RBSN: variants seen among roughly 807,000 people sequenced by gnomAD.
RBSN encodes the protein rabenosyn-5.
In RBSN, 34 loss-of-function variants were observed where a neutral mutation model predicts 60.5. That is an observed-to-expected ratio of 0.56 (90% CI 0.43 to 0.75). The LOEUF is 0.75. Among genes scored for constraint, RBSN ranks in the 30% least tolerant of loss-of-function variants. The probability of loss-of-function intolerance (pLI) is 0.00; values close to 1 mark genes in which losing one functional copy is unlikely to be tolerated. For missense variants in RBSN, 845 were observed against 986.8 expected (o/e 0.86, Z 1.92); for synonymous variants, 322 against 366.9 (o/e 0.88, Z 1.40).
intron 2 of RBSN, among the ~76,000 whole-genome samples, chr3:15,097,802 C>T (rs1450791611): frequency 2.0e-5 from 3 of 152,130 alleles, no homozygotes; most frequent in Non-Finnish European, 2.9e-5. Context: ...GAGGGACTGC[C>T]TGGTCCTCAA....
rs1041637161 is a variant in RBSN at position 15,070,148 on chromosome 3, C to T, written c.*3634G>A. 1.3e-4 allele frequency: 20 copies of T among 152,520 alleles called. No homozygotes were observed. Among genetic ancestry groups the T allele is most frequent in the African/African-American group, 4.3e-4 (18 of 41,408 alleles). The allele number at this position is 152,520 out of a possible 1,614,324, so 9.4% of individuals were successfully genotyped here. A position where few individuals can be genotyped will look rare whatever the true frequency, so the allele number is the denominator to read the frequency against. ...AGAGTAGTGCATGCAAATCAACGAC[C>T]CTCAAAGTGACAGTCATTGTCAGAT... On this transcript the variant is annotated 3_prime_UTR_variant, in exon 14 of 14. Coordinates refer to ENST00000253699, the MANE Select transcript of RBSN (RefSeq NM_022340.4).
At chr3:15,090,293 A>T (rs901254390) in intron 5 of RBSN, 106 bp downstream of exon 5, 13 of 1,246,122 alleles carry the variant, frequency 1.0e-5, no homozygotes, top group South Asian at 1.4e-5. Context: ...AGAAGCTTAG[A>T]CCATTATGGT....
At chr3:15,095,759 G>A (rs1356894297) in intron 4 of RBSN, 9 of 622,846 alleles carry the variant, frequency 1.4e-5, no homozygotes, top group East Asian at 5.7e-5. Flanking sequence ...TGTCTGGTTC[G>A]AAATGTGGCT....
chr3:15,095,884 C>T, intron 4 of RBSN, 89 bp downstream of exon 4: 1 of 1,562,622 alleles, frequency 6.4e-7, no homozygotes, highest in Non-Finnish European at 8.8e-7. Flanking sequence ...TTATCATATT[C>T]CTGTGGCAAC....
rs1172729769 is a variant in RBSN, at chr3:15,096,251, G to A, written c.-131C>T. On this transcript the variant is annotated 5_prime_UTR_variant, in exon 4 of 14. Transcript: ENST00000253699. ...CAGATGGTGAGGAAGTGGCTTCATGGCCCTGGATGAGGTTTCCTCTCTGGA... is the reference window on the plus strand; with the variant it reads ...CAGATGGTGAGGAAGTGGCTTCATGACCCTGGATGAGGTTTCCTCTCTGGA... 1.0e-6 allele frequency: 1 copy of A among 999,242 alleles called. No individual in the cohort carries two copies. The highest frequency in any genetic ancestry group is 1.4e-6 in the Non-Finnish European group (1 of 734,042). The allele number at this position is 999,242 out of a possible 1,614,324, so 61.9% of individuals were successfully genotyped here. A position where few individuals can be genotyped will look rare whatever the true frequency, so the allele number is the denominator to read the frequency against.
intron 4 of RBSN, among the ~76,000 whole-genome samples, chr3:15,090,798 T>C (rs1430560693): frequency 1.3e-5 from 2 of 152,194 alleles, no homozygotes; most frequent in African/African-American, 4.8e-5. Flanking sequence ...TTACTGCTCA[T>C]TGCCAAATTT....
intron 3 of RBSN, 117 bp downstream of exon 3, chr3:15,096,418 C>T (rs532649195): frequency 7.4e-5 from 20 of 268,690 alleles, no homozygotes; most frequent in Non-Finnish European, 1.1e-4. Flanking sequence ...AGAAAACAAA[C>T]TCTTTCTCAA....
At chr3:15,086,059 G>T in intron 5 of RBSN, 98 bp from the exon 6 acceptor site, 1 of 662,646 alleles carries the variant, frequency 1.5e-6, no homozygotes, top group Non-Finnish European at 2.5e-6. Flanking sequence ...TCAAAAGCAG[G>T]TTGGTCAACA....
At position 15,073,699 on chromosome 3, in the gene RBSN, C is replaced by G; in HGVS notation, c.*83G>C. ...TCTGAGTTCTCACCCTGCCACCTTCCCCATCCATCCTGCCTGCCCTCTGTC... is the reference window on the plus strand; with the variant it reads ...TCTGAGTTCTCACCCTGCCACCTTCGCCATCCATCCTGCCTGCCCTCTGTC... On this transcript the variant is annotated 3_prime_UTR_variant, in exon 14 of 14. Coordinates refer to ENST00000253699, the MANE Select transcript of RBSN (RefSeq NM_022340.4). The G allele has an allele frequency of 6.9e-7, 1 of 1,452,810 alleles. No homozygotes were observed. Among genetic ancestry groups the G allele is most frequent in the South Asian group, 1.4e-5 (1 of 73,810 alleles). The allele number at this position is 1,452,810 out of a possible 1,614,324, so 90.0% of individuals were successfully genotyped here. A position where few individuals can be genotyped will look rare whatever the true frequency, so the allele number is the denominator to read the frequency against.
intron 10 of RBSN, among the ~76,000 whole-genome samples, chr3:15,079,897 C>A (rs2043160339): frequency 6.6e-6 from 1 of 152,144 alleles, no homozygotes; most frequent in South Asian, 2.1e-4. Context: ...CCAAACTGTA[C>A]ACTTTAAAAG....
At position 15,074,022 on chromosome 3, in the gene RBSN, C is replaced by T. The variant is rs1310415504; in HGVS notation, c.2115G>A (p.Leu705=). ...EHPQQRLSSP[L]VPGNPFEEPT... is the part of the protein sequence containing the mutation. ...GTTCCTCAAAGGGGTTACCAGGAAC[C>T]AGAGGGCTTGAGAGCCTCTGCTGGG... is the stretch of plus-strand genomic sequence containing the variant. Residue 705 remains leucine (L), a synonymous_variant, in exon 14 of 14, where the codon CTG becomes CTA. Transcript: ENST00000253699. This position sits in a 1 kb window ranked among gnomAD's most constrained non-coding sequence, Gnocchi z 6.4. 1.4e-5 allele frequency: 23 copies of T among 1,613,914 alleles called. No individual in the cohort carries two copies. Among genetic ancestry groups the T allele is most frequent in the Non-Finnish European group, 1.9e-5 (22 of 1,180,016 alleles).
intron 10 of RBSN, 28 bp downstream of exon 10, chr3:15,080,704 A>C (rs773998852): frequency 1.2e-6 from 2 of 1,608,610 alleles, no homozygotes; most frequent in East Asian, 4.5e-5. Flanking sequence ...TCACCACTGG[A>C]TTAGAAAAAC....
At chr3:15,080,631 C>A in intron 10 of RBSN, 101 bp downstream of exon 10, 2 of 1,197,828 alleles carry the variant, frequency 1.7e-6, no homozygotes, top group Non-Finnish European at 2.4e-6. Context: ...AAAAAAAGCA[C>A]GGTTGAAGTT....
At chr3:15,096,356 C>T (rs568431606) in intron 3 of RBSN, 68 bp from the exon 4 acceptor site, 28 of 431,538 alleles carry the variant, frequency 6.5e-5, no homozygotes, top group African/African-American at 5.4e-4. Context: ...GGATTTTCTT[C>T]ATTCTTTTCA....
chr3:15,078,824 A>G (rs1279900126), intron 10 of RBSN, among the ~76,000 whole-genome samples: 8 of 100,420 alleles, frequency 8.0e-5, no homozygotes, highest in African/African-American at 2.8e-4. Context: ...ATATATATAT[A>G]CATGGTTTTG....
chr3:15,086,691 T>C (rs538134431), intron 5 of RBSN, among the ~76,000 whole-genome samples: 30 of 152,270 alleles, frequency 2.0e-4, no homozygotes, highest in Non-Finnish European at 4.1e-4. Flanking sequence ...ATTATCTTAT[T>C]GTTTTATACT....
At chr3:15,089,441 G>C (rs538041847) in intron 5 of RBSN, among the ~76,000 whole-genome samples, 3 of 111,634 alleles carry the variant, frequency 2.7e-5, no homozygotes, top group Admixed American at 2.4e-4. Flanking sequence ...GGGTGACACA[G>C]TGAGACTCCA....
intron 12 of RBSN, among the ~76,000 whole-genome samples, chr3:15,076,790 G>GT (rs1320285833): frequency 6.6e-6 from 1 of 152,024 alleles, no homozygotes; most frequent in Non-Finnish European, 1.5e-5. Context: ...ATGCAGTATC[G>GT]TAACTACTGT....
chr3:15,083,384 C>G (rs1200102991), intron 8 of RBSN, among the ~76,000 whole-genome samples: 2 of 152,160 alleles, frequency 1.3e-5, no homozygotes, highest in Non-Finnish European at 2.9e-5. Flanking sequence ...ACAGTGTGCA[C>G]AGTCAGCAGA....
Sources: gnomAD v4.1 joint callset for allele counts (sites outside exome capture counted in the v4.1 genomes callset) on GRCh38, gnomAD v4.1.1 for gene constraint, Gnocchi (gnomAD v3.1) non-coding constraint, MANE v1.5 for transcripts, NCBI Gene and HGNC (gene_info 2026-07-23, HGNC 2026-07-21) for gene names.